Variants in ELFN1 observed in about 807,000 individuals in gnomAD.
The protein encoded by ELFN1 is protein ELFN1.
ELFN1 carries 6 observed loss-of-function variants against 7.6 expected under a neutral mutation model. The observed-to-expected ratio is 0.79, with a 90% CI of 0.43 to 1.56. ELFN1 has a LOEUF of 1.56. ELFN1 is among the 40% of genes most tolerant of loss of function. The pLI is 0.01. For missense variants in ELFN1, 1,169 were observed against 1,232.2 expected (o/e 0.95, Z 0.77); for synonymous variants, 657 against 588.1 (o/e 1.12, Z -1.70).
chr7:1,702,432 A>T (rs188203977), intron 2 of ELFN1, among the ~76,000 whole-genome samples: 1 of 150,660 alleles, frequency 6.6e-6, no homozygotes, highest in African/African-American at 2.5e-5. Flanking sequence ...GGGGGGAAAA[A>T]AAAAAAGAAG....
At chr7:1,671,791 C>A (rs1778772320) in intron 1 of ELFN1, among the ~76,000 whole-genome samples, 1 of 152,226 alleles carries the variant, frequency 6.6e-6, no homozygotes, top group Non-Finnish European at 1.5e-5. Flanking sequence ...CAGGTCCCAG[C>A]CCAGGTTTGC....
chr7:1,676,235 C>G (rs1027147794), intron 1 of ELFN1, among the ~76,000 whole-genome samples: 3 of 152,190 alleles, frequency 2.0e-5, no homozygotes, highest in Admixed American at 6.5e-5. Flanking sequence ...TGCACTGAGG[C>G]CTCTGCCCTC....
intron 1 of ELFN1, among the ~76,000 whole-genome samples, chr7:1,681,274 G>C (rs111273932): frequency 6.6e-6 from 1 of 152,192 alleles, no homozygotes. Context: ...GTCCAGCGTG[G>C]GGCCATTATG....
chr7:1,670,109 G>A (rs1259131953), upstream of ELFN1, among the ~76,000 whole-genome samples: 1 of 149,894 alleles, frequency 6.7e-6, no homozygotes, highest in East Asian at 2.0e-4. The surrounding 1 kb of genome is among the most constrained non-coding windows in gnomAD (Gnocchi z 6.4). Context: ...AAGAGGGGGT[G>A]GAAGGGAGCG....
At chr7:1,704,269 G>A (rs944222122) in intron 2 of ELFN1, among the ~76,000 whole-genome samples, 1 of 152,128 alleles carries the variant, frequency 6.6e-6, no homozygotes. Flanking sequence ...TCCCAGCACC[G>A]ATGGAGGCCA....
intron 2 of ELFN1, among the ~76,000 whole-genome samples, chr7:1,696,362 A>C (rs1779313484): frequency 2.0e-5 from 3 of 150,618 alleles, no homozygotes; most frequent in Non-Finnish European, 4.4e-5. Flanking sequence ...GAGAGAGGGC[A>C]TGCAGATGCC....
chr7:1,702,220 T>C (rs139711505), intron 2 of ELFN1, among the ~76,000 whole-genome samples: 61 of 152,216 alleles, frequency 4.0e-4, no homozygotes, highest in Middle Eastern at 6.8e-3. Flanking sequence ...GTCAGGAGAT[T>C]GAGACCATCC....
intron 3 of ELFN1, 29 bp from the exon 4 acceptor site, chr7:1,744,252 CCGCTGTCTTCTCTCTTGTCCCCT>C (rs1780711275): frequency 5.0e-5 from 6 of 120,424 alleles, no homozygotes; most frequent in Non-Finnish European, 9.0e-5. Flanking sequence ...CGTCCCCTGA[CCGCTGTCTTCTCTCTTGTCCCCT>C]GACCGCTGTC....
chr7:1,730,662 C>T (rs1220521912), intron 3 of ELFN1, among the ~76,000 whole-genome samples: 1 of 152,150 alleles, frequency 6.6e-6, no homozygotes, highest in African/African-American at 2.4e-5. Flanking sequence ...GAAATAGAAC[C>T]AGAAACACAC....
In ELFN1 at chr7:1,717,355, T is replaced by A. The variant is rs556015411; in HGVS notation, c.-294+8103T>A. 2.0e-5 allele frequency among the ~76,000 whole-genome samples: 3 copies of A among 152,322 alleles called. No individual in the cohort carries two copies. In the South Asian group the frequency reaches 6.2e-4, roughly 32 times the overall value. The stretch of plus-strand genomic sequence containing the variant: ...TATCCTGGCCTGGCCGCTTGCAGCA[T>A]GGCCCTGAGATGCCATGAGCACCTC... On this transcript the variant is annotated intron_variant, in intron 3 of 3. Coordinates refer to ENST00000424383, the MANE Select transcript of ELFN1 (RefSeq NM_001128636.4).
intron 2 of ELFN1, among the ~76,000 whole-genome samples, chr7:1,704,746 C>T (rs1779497018): frequency 6.6e-6 from 1 of 152,084 alleles, no homozygotes; most frequent in African/African-American, 2.4e-5. Context: ...CAGCCAGGTG[C>T]CCAGCCCCCC....
chr7:1,707,549 G>GGGC (rs1430529075), intron 2 of ELFN1, among the ~76,000 whole-genome samples: 2 of 152,224 alleles, frequency 1.3e-5, no homozygotes, highest in Admixed American at 1.3e-4. Flanking sequence ...AAGCAGGCAC[G>GGGC]GGCTGGGTAG....
intron 2 of ELFN1, among the ~76,000 whole-genome samples, chr7:1,690,627 A>T (rs1014862691): frequency 7.0e-6 from 1 of 143,366 alleles, no homozygotes; most frequent in Non-Finnish European, 1.5e-5. Flanking sequence ...TGGATGGATG[A>T]AGGATGAATG....
intron 1 of ELFN1, among the ~76,000 whole-genome samples, chr7:1,679,402 C>A (rs1778934007): frequency 6.6e-6 from 1 of 152,194 alleles, no homozygotes; most frequent in Non-Finnish European, 1.5e-5. Flanking sequence ...GCCTGACCAT[C>A]TGGGCCGTGG....
At chr7:1,669,407 G>T (rs1238867376), upstream of ELFN1, among the ~76,000 whole-genome samples, 1 of 151,984 alleles carries the variant, frequency 6.6e-6, no homozygotes, top group South Asian at 2.1e-4. Context: ...CCCAGGCGCC[G>T]GCCGTTCTGC....
chr7:1,709,543 A>G (rs1411988996), intron 3 of ELFN1, among the ~76,000 whole-genome samples: 1 of 152,254 alleles, frequency 6.6e-6, no homozygotes, highest in Non-Finnish European at 1.5e-5. Context: ...TACTCGGGGT[A>G]TGCCCATTAT....
At chr7:1,683,818 A>G (rs1010695927) in intron 1 of ELFN1, among the ~76,000 whole-genome samples, 1 of 152,160 alleles carries the variant, frequency 6.6e-6, no homozygotes. Context: ...CTTTGACAAT[A>G]TTTCTTGTCT....
intron 3 of ELFN1, among the ~76,000 whole-genome samples, chr7:1,710,175 T>G (rs1779620231): frequency 6.6e-6 from 1 of 152,226 alleles, no homozygotes; most frequent in Non-Finnish European, 1.5e-5. Context: ...TACACTGAAT[T>G]TATTTAAAGT....
Position 1,744,672 on chromosome 7 carries a change from C to G in ELFN1, c.76C>G (p.Arg26Gly), listed in dbSNP as rs370941771. 9 of 1,550,932 alleles carry G rather than the reference C, an allele frequency of 5.8e-6. No homozygotes were observed. Among genetic ancestry groups the G allele is most frequent in the Non-Finnish European group, 7.8e-6 (9 of 1,146,832 alleles). ...CCTGCTGCACGCTGGCGGCCTGGCC[C>G]GCGCAGACTGCTGGCTGATCGAGGG... ...ATLLHAGGLA[R>G]ADCWLIEGDK... is the part of the protein sequence containing the mutation. Residue 26 changes from arginine to glycine, a missense_variant, in exon 4 of 4, where the codon CGC becomes GGC. Around this residue, in one of 2 missense-constraint regions of ELFN1, gnomAD observed 255 missense variants for 359.6 expected, o/e 0.71. Coordinates refer to ENST00000424383, the MANE Select transcript of ELFN1 (RefSeq NM_001128636.4).
Sources: gnomAD v4.1 joint callset for allele counts (sites outside exome capture counted in the v4.1 genomes callset) on GRCh38, gnomAD v4.1.1 for gene constraint, gnomAD v4.1.1 regional missense constraint, Gnocchi (gnomAD v3.1) non-coding constraint, MANE v1.5 for transcripts, NCBI Gene and HGNC (gene_info 2026-07-23, HGNC 2026-07-21) for gene names.